Variants in PPP1CB observed in about 807,000 individuals in gnomAD.
The protein encoded by PPP1CB is protein phosphatase 1 catalytic subunit beta.
Under a neutral mutation model 43.7 loss-of-function variants are expected in PPP1CB, and 2 were observed. That is an observed-to-expected ratio of 0.05 (90% CI 0.02 to 0.14). The LOEUF (loss-of-function observed/expected upper bound fraction) is 0.14, where lower values mean the gene tolerates loss of function less well. PPP1CB is among the 10% of genes least tolerant of loss of function. PPP1CB has a pLI of 1.00. For synonymous variants in PPP1CB, 136 were observed against 135.6 expected (o/e 1.00, Z -0.02); for missense variants, 84 against 398.0 (o/e 0.21, Z 6.71).
intron 3 of PPP1CB, among the ~76,000 whole-genome samples, chr2:28,779,870 G>A (rs1466918541): frequency 6.6e-6 from 1 of 152,092 alleles, no homozygotes; most frequent in East Asian, 1.9e-4. Flanking sequence ...AGTGCGTGAA[G>A]CAATACACAA....
At chr2:28,785,613 C>G (rs548954979) in intron 5 of PPP1CB, among the ~76,000 whole-genome samples, 2 of 151,870 alleles carry the variant, frequency 1.3e-5, no homozygotes, top group Non-Finnish European at 2.9e-5. Context: ...GGAGTCGAGA[C>G]CAGCCTGGGC....
chr2:28,761,357 C>T (rs1261336741), intron 1 of PPP1CB, among the ~76,000 whole-genome samples: 1 of 152,152 alleles, frequency 6.6e-6, no homozygotes, highest in Non-Finnish European at 1.5e-5. Context: ...TAAGTGTTTA[C>T]TCAAATATTA....
At chr2:28,755,179 A>G (rs1666456188) in intron 1 of PPP1CB, among the ~76,000 whole-genome samples, 1 of 152,046 alleles carries the variant, frequency 6.6e-6, no homozygotes. Flanking sequence ...CTTCCCAAGT[A>G]GCTGGGACTA....
rs1666314121 is a variant in PPP1CB at position 28,752,193 on chromosome 2, C to G, written c.52+17C>G. On this transcript the variant is annotated intron_variant, in intron 1 of 7. Coordinates refer to ENST00000395366, the MANE Select transcript of PPP1CB (RefSeq NM_002709.3). ...TGCTGGAGGGTGAGTGCGCGCCTGG[C>G]CGCGGGACAGAGGGAGGTCGGGCAC... 9 of 1,537,316 alleles carry G rather than the reference C, an allele frequency of 5.9e-6. No individual in the cohort carries two copies. Among genetic ancestry groups the G allele is most frequent in the Non-Finnish European group, 7.9e-6 (9 of 1,139,524 alleles).
At chr2:28,790,497 G>A (rs532232416) in intron 6 of PPP1CB, among the ~76,000 whole-genome samples, 70 of 151,842 alleles carry the variant, frequency 4.6e-4, no homozygotes, top group African/African-American at 1.3e-3. Context: ...CTGCCACCAC[G>A]CCTGGCTAAT....
chr2:28,761,846 T>C (rs1666660834), intron 1 of PPP1CB, among the ~76,000 whole-genome samples: 1 of 152,220 alleles, frequency 6.6e-6, no homozygotes, highest in Non-Finnish European at 1.5e-5. Flanking sequence ...GGCCAGGAAC[T>C]ATAGGGCAGT....
intron 6 of PPP1CB, among the ~76,000 whole-genome samples, chr2:28,789,545 C>T (rs1177046014): frequency 2.0e-5 from 3 of 151,292 alleles, no homozygotes; most frequent in Non-Finnish European, 2.9e-5. Flanking sequence ...TACAGCAAAC[C>T]TAACAAAATT....
At chr2:28,769,952 CGAT>C (rs1422911106) in intron 1 of PPP1CB, among the ~76,000 whole-genome samples, 1 of 152,056 alleles carries the variant, frequency 6.6e-6, no homozygotes, top group African/African-American at 2.4e-5. Flanking sequence ...TCAACTTCGT[CGAT>C]GATTATATTA....
intron 2 of PPP1CB, 88 bp downstream of exon 2, chr2:28,777,070 T>G (rs1667058288): frequency 1.4e-6 from 2 of 1,441,438 alleles, no homozygotes; most frequent in East Asian, 2.3e-5. Context: ...TTTTTTGAAA[T>G]TTTTGTATAA....
Position 28,800,652 on chromosome 2 carries a change from T to C in PPP1CB, c.*1349T>C, listed in dbSNP as rs1243552812. 1 of 152,416 alleles carries C rather than the reference T, an allele frequency of 6.6e-6. No individual in the cohort carries two copies. Among genetic ancestry groups the C allele is most frequent in the African/African-American group, 2.4e-5 (1 of 41,426 alleles). 9.4% of individuals were successfully genotyped at this position (152,416 alleles called of 1,614,324 possible). ...ATGAGTAGAAAAGTTAACATGAAGA[T>C]TTTAGAAGGAGAGAACTTACAGGAC... On this transcript the variant is annotated 3_prime_UTR_variant, in exon 8 of 8. Coordinates refer to ENST00000395366, the MANE Select transcript of PPP1CB (RefSeq NM_002709.3).
At chr2:28,786,930 G>A (rs1299122850) in intron 5 of PPP1CB, among the ~76,000 whole-genome samples, 1 of 152,156 alleles carries the variant, frequency 6.6e-6, no homozygotes, top group Non-Finnish European at 1.5e-5. Flanking sequence ...AATTGAGACT[G>A]ACTATTCCAG....
Position 28,800,883 on chromosome 2 carries a change from A to G in PPP1CB, c.*1580A>G, listed in dbSNP as rs7475. 60,607 of 152,320 alleles carry G rather than the reference A, an allele frequency of 0.4. 13,170 individuals are homozygous for G. Among genetic ancestry groups the G allele is most frequent in the Middle Eastern group, 0.51 (149 of 292 alleles). The allele number at this position is 152,320 out of a possible 1,614,324, so 9.4% of individuals were successfully genotyped here. On this transcript the variant is annotated 3_prime_UTR_variant, in exon 8 of 8. Coordinates refer to ENST00000395366, the MANE Select transcript of PPP1CB (RefSeq NM_002709.3). ...GAAACCTGTTAACTTACATTTTATG[A>G]ATTGGCACATTGTATTACTTACTGC...
At chr2:28,764,082 G>A (rs1666725636) in intron 1 of PPP1CB, among the ~76,000 whole-genome samples, 1 of 152,054 alleles carries the variant, frequency 6.6e-6, no homozygotes, top group Non-Finnish European at 1.5e-5. Context: ...TTAAAACCGT[G>A]TGTGTGTTGT....
Position 28,752,002 on chromosome 2 carries a change from G to A in PPP1CB, c.-123G>A. ...GGGGGAGGGCCCGGGAAAAGGGGGA[G>A]TTGGAGCCGGGGTCGAAACGCCGCG... On this transcript the variant is annotated 5_prime_UTR_variant, in exon 1 of 8. Transcript: ENST00000395366. The A allele has an allele frequency of 2.1e-6, 2 of 934,166 alleles. No homozygotes were observed. The highest frequency in any genetic ancestry group is 1.7e-6 in the Non-Finnish European group (1 of 588,036). 57.9% of individuals were successfully genotyped at this position (934,166 alleles called of 1,614,324 possible).
intron 1 of PPP1CB, among the ~76,000 whole-genome samples, chr2:28,752,759 C>G (rs557752890): frequency 2.0e-5 from 3 of 152,306 alleles, no homozygotes; most frequent in Non-Finnish European, 2.9e-5. Flanking sequence ...GGGAATTAAT[C>G]TACCGTTTGT....
intron 5 of PPP1CB, among the ~76,000 whole-genome samples, chr2:28,788,106 TTTTAATG>T (rs1572466159): frequency 6.6e-6 from 1 of 152,178 alleles, no homozygotes; most frequent in African/African-American, 2.4e-5. Context: ...AGGCAATTGT[TTTTAATG>T]TTTATGTGGA....
intron 5 of PPP1CB, among the ~76,000 whole-genome samples, chr2:28,785,034 C>T (rs1484018747): frequency 7.2e-6 from 1 of 137,984 alleles, no homozygotes; most frequent in Non-Finnish European, 1.5e-5. Context: ...CCATGTAATA[C>T]ACTGTATGTT....
intron 1 of PPP1CB, among the ~76,000 whole-genome samples, chr2:28,771,454 T>C (rs1417486211): frequency 2.6e-5 from 4 of 152,068 alleles, no homozygotes; most frequent in Non-Finnish European, 5.9e-5. Context: ...AGAACAAAAT[T>C]GGGATGTTTA....
chr2:28,773,296 T>G (rs111535807), intron 1 of PPP1CB, among the ~76,000 whole-genome samples: 4 of 152,326 alleles, frequency 2.6e-5, no homozygotes, highest in African/African-American at 9.6e-5. Flanking sequence ...TCTAGGAAAT[T>G]TTTGATCCAA....
Sources: gnomAD v4.1 joint callset for allele counts (sites outside exome capture counted in the v4.1 genomes callset) on GRCh38, gnomAD v4.1.1 for gene constraint, MANE v1.5 for transcripts, NCBI Gene and HGNC (gene_info 2026-07-23, HGNC 2026-07-21) for gene names.